Variants in SNX25 observed in about 807,000 individuals in gnomAD.
SNX25 encodes the protein sorting nexin 25.
Under a neutral mutation model 113.7 loss-of-function variants are expected in SNX25, and 62 were observed. That is an observed-to-expected ratio of 0.55 (90% CI 0.44 to 0.67). SNX25 has a LOEUF of 0.67. Among genes scored for constraint, SNX25 ranks in the 30% least tolerant of loss-of-function variants. The pLI, the probability that SNX25 is intolerant of heterozygous loss-of-function variation, is 0.00. For missense variants in SNX25, 1,014 were observed against 1,161.0 expected, an observed-to-expected ratio of 0.87 and a Z score of 1.84; for synonymous variants, 421 against 436.2, an observed-to-expected ratio of 0.97 and a Z score of 0.43.
At chr4:185,355,429 TC>T (rs2095334783) in intron 15 of SNX25, among the ~76,000 whole-genome samples, 1 of 152,154 alleles carries the variant, frequency 6.6e-6, no homozygotes, top group African/African-American at 2.4e-5. Context: ...CAAAACCATA[TC>T]AGATACAGAT....
chr4:185,270,693 C>T (rs1748799291), intron 5 of SNX25, among the ~76,000 whole-genome samples: 1 of 152,220 alleles, frequency 6.6e-6, no homozygotes. Context: ...TTCCTTCCCT[C>T]CCTCCAGCCC....
intron 3 of SNX25, among the ~76,000 whole-genome samples, chr4:185,260,639 T>G (rs1434211107): frequency 1.3e-5 from 2 of 152,236 alleles, no homozygotes; most frequent in Non-Finnish European, 1.5e-5. Flanking sequence ...ACACTTTTCC[T>G]TAGCCACGGG....
At chr4:185,279,554 T>C (rs1750259425) in intron 5 of SNX25, among the ~76,000 whole-genome samples, 2 of 152,224 alleles carry the variant, frequency 1.3e-5, no homozygotes, top group Admixed American at 1.3e-4. Context: ...TTAATGCCAT[T>C]GGACATACCT....
chr4:185,223,062 T>G lies in SNX25; in HGVS notation c.429+12807T>G, dbSNP rs561592750. 1.2e-4 allele frequency among the ~76,000 whole-genome samples: 18 copies of G among 152,254 alleles called. No homozygotes were observed. In the Middle Eastern group the frequency reaches 0.017, roughly 144 times the overall value. ...GATTCAGAAAATCCAACCAAATAGATGTATAGATGGATGAATGATTATGGA... is the reference window on the plus strand; with the variant it reads ...GATTCAGAAAATCCAACCAAATAGAGGTATAGATGGATGAATGATTATGGA... On this transcript the variant is annotated intron_variant, in intron 1 of 18. Coordinates refer to ENST00000652585, the MANE Select transcript of SNX25 (RefSeq NM_001378034.2).
At position 185,241,362 on chromosome 4, in the gene SNX25, C is replaced by T. The variant is rs1177422459; in HGVS notation, c.430-5932C>T. On this transcript the variant is annotated intron_variant, in intron 1 of 18. Coordinates refer to ENST00000652585, the MANE Select transcript of SNX25 (RefSeq NM_001378034.2). ...GCGTGGCGGCGCGCGCCTGCAATCG[C>T]AGGCACTCGGCAGGCTGAGGCAGGA... 5.9e-5 allele frequency among the ~76,000 whole-genome samples: 9 copies of T among 151,478 alleles called. 1 individual carries two copies. Among genetic ancestry groups the T allele is most frequent in the African/African-American group, 1.9e-4 (8 of 41,424 alleles).
chr4:185,245,591 G>T (rs942643926), intron 1 of SNX25, among the ~76,000 whole-genome samples: 2 of 151,946 alleles, frequency 1.3e-5, no homozygotes, highest in African/African-American at 4.8e-5. Flanking sequence ...CACCAGCCTC[G>T]GCCTCCCAAA....
Position 185,332,528 on chromosome 4 carries a change from G to A in SNX25, c.1750-67G>A, listed in dbSNP as rs181673587. ...ATGTAGTATTTTGCAACAGGGTATC[G>A]TGACCGATAATAATTACTGAATTTT... is the stretch of plus-strand genomic sequence containing the variant. On this transcript the variant is annotated intron_variant, in intron 9 of 18. Transcript: ENST00000652585. 2.0e-4 allele frequency: 293 copies of A among 1,443,942 alleles called. No homozygotes were observed. In the African/African-American group the frequency reaches 3.6e-3, roughly 18 times the overall value. The allele number at this position is 1,443,942 out of a possible 1,614,324, so 89.4% of individuals were successfully genotyped here.
Position 185,210,397 on chromosome 4 carries a change from C to G in SNX25, c.429+142C>G, listed in dbSNP as rs1359812588. 2 of 845,596 alleles carry G rather than the reference C, an allele frequency of 2.4e-6. No individual in the cohort carries two copies. Among genetic ancestry groups the G allele is most frequent in the Non-Finnish European group, 2.8e-6 (2 of 703,040 alleles). The allele number at this position is 845,596 out of a possible 1,614,324, so 52.4% of individuals were successfully genotyped here. A position where few individuals can be genotyped will look rare whatever the true frequency, so the allele number is the denominator to read the frequency against. ...GAGCCAGGGGGCTGGGCTGCGGGCCCGGCCGTGGACGCGAGCGTTCCCCGG... is the reference window on the plus strand; with the variant it reads ...GAGCCAGGGGGCTGGGCTGCGGGCCGGGCCGTGGACGCGAGCGTTCCCCGG... On this transcript the variant is annotated intron_variant, in intron 1 of 18. Transcript: ENST00000652585. This position sits in a 1 kb window ranked among gnomAD's most constrained non-coding sequence, Gnocchi z 4.4.
intron 12 of SNX25, among the ~76,000 whole-genome samples, chr4:185,343,389 C>T (rs1304526878): frequency 6.6e-6 from 1 of 152,178 alleles, no homozygotes; most frequent in East Asian, 1.9e-4. Flanking sequence ...GTTTCATAGA[C>T]CTTTGGTTTC....
intron 1 of SNX25, among the ~76,000 whole-genome samples, chr4:185,221,475 G>C (rs1246677812): frequency 1.3e-5 from 2 of 152,022 alleles, no homozygotes; most frequent in African/African-American, 4.8e-5. Context: ...TATTTCTTGA[G>C]TATCTTGCAT....
chr4:185,260,935 T>G (rs1225261311), intron 3 of SNX25, among the ~76,000 whole-genome samples: 1 of 152,216 alleles, frequency 6.6e-6, no homozygotes, highest in African/African-American at 2.4e-5. Flanking sequence ...TTTCGAAGTG[T>G]TCACCAACCT....
At chr4:185,279,376 A>T (rs1750238875) in intron 5 of SNX25, among the ~76,000 whole-genome samples, 1 of 152,154 alleles carries the variant, frequency 6.6e-6, no homozygotes, top group African/African-American at 2.4e-5. Context: ...TACATGTGCT[A>T]TGAATAGAAA....
the SNX25 span, chr4:185,377,830 G>T: frequency 2.7e-6 from 1 of 367,682 alleles, no homozygotes; most frequent in Non-Finnish European, 4.9e-6. Context: ...TCTGCTTTCT[G>T]TTTTCTAGAA....
chr4:185,292,698 C>T (rs911532297), intron 6 of SNX25, among the ~76,000 whole-genome samples: 12 of 152,148 alleles, frequency 7.9e-5, no homozygotes, highest in Non-Finnish European at 1.6e-4. Context: ...CCACCGCACC[C>T]GGCCATGGAC....
chr4:185,319,132 A>T (rs1381331357), intron 7 of SNX25, among the ~76,000 whole-genome samples: 20 of 101,298 alleles, frequency 2.0e-4, no homozygotes, highest in Admixed American at 5.3e-4. Flanking sequence ...TATCATATTT[A>T]TTCATACACA....
intron 1 of SNX25, among the ~76,000 whole-genome samples, chr4:185,222,179 T>C (rs68136747): frequency 0.65 from 95,550 of 147,260 alleles, 31,098 homozygotes; most frequent in East Asian, 0.74. Flanking sequence ...CCCTCCTTCA[T>C]GGTAGGTATT....
intron 6 of SNX25, among the ~76,000 whole-genome samples, chr4:185,289,310 A>AG (rs1274839110): frequency 6.6e-6 from 1 of 152,194 alleles, no homozygotes; most frequent in Non-Finnish European, 1.5e-5. Context: ...TGTTCCTTGG[A>AG]GAAAAACAAA....
downstream of SNX25, chr4:185,374,301 G>C (rs1172747904): frequency 4.3e-6 from 7 of 1,614,028 alleles, no homozygotes; most frequent in East Asian, 1.6e-4. Flanking sequence ...ACCTAATCTT[G>C]TTCTCAGGTA....
At chr4:185,274,243 T>C (rs1402687759) in intron 5 of SNX25, among the ~76,000 whole-genome samples, 1 of 152,112 alleles carries the variant, frequency 6.6e-6, no homozygotes, top group African/African-American at 2.4e-5. Context: ...GTATCTTTAG[T>C]AGAGACAGGA....
Sources: gnomAD v4.1 joint callset for allele counts (sites outside exome capture counted in the v4.1 genomes callset) on GRCh38, gnomAD v4.1.1 for gene constraint, Gnocchi (gnomAD v3.1) non-coding constraint, MANE v1.5 for transcripts, NCBI Gene and HGNC (gene_info 2026-07-23, HGNC 2026-07-21) for gene names.